Variants in DYNC2I1 observed in about 807,000 individuals in gnomAD.
DYNC2I1 encodes dynein 2 intermediate chain 1, also known as cytoplasmic dynein 2 intermediate chain 1.
A neutral mutation model predicts 133.4 loss-of-function variants in DYNC2I1; 89 were observed. The ratio of observed to expected loss-of-function variants is 0.67; its 90% CI spans 0.56 to 0.80. The LOEUF (loss-of-function observed/expected upper bound fraction) is 0.80, where lower values mean the gene tolerates loss of function less well. Ranked by LOEUF, DYNC2I1 falls within the 30% of genes least tolerant of loss-of-function variation. DYNC2I1 has a pLI of 0.00. For synonymous variants in DYNC2I1, 504 were observed against 484.3 expected (o/e 1.04, Z -0.54); for missense variants, 1,291 against 1,314.5 (o/e 0.98, Z 0.28).
intron 24 of DYNC2I1, among the ~76,000 whole-genome samples, chr7:158,944,169 C>G (rs1376473887): frequency 6.6e-6 from 1 of 152,186 alleles, no homozygotes; most frequent in Non-Finnish European, 1.5e-5. Context: ...GGTTGAGAAG[C>G]AGGTTGGCTG....
rs112412835 is a variant in DYNC2I1, at chr7:158,893,718, C to T, written c.1059+2385C>T. The stretch of plus-strand genomic sequence containing the variant: ...TCCTACTGCATATCGTACCACATAT[C>T]GTACTGCATGTCACACCGCATATCA... On this transcript the variant is annotated intron_variant, in intron 8 of 24. Coordinates refer to ENST00000407559, the MANE Select transcript of DYNC2I1 (RefSeq NM_018051.5). 6.4e-3 allele frequency among the ~76,000 whole-genome samples: 951 copies of T among 148,410 alleles called. 58 individuals carry two copies. The highest frequency in any genetic ancestry group is 0.023 in the African/African-American group (891 of 39,584).
chr7:158,938,555 G>A (rs1332921840), intron 23 of DYNC2I1, among the ~76,000 whole-genome samples: 3 of 152,104 alleles, frequency 2.0e-5, no homozygotes, highest in African/African-American at 7.2e-5. Context: ...TCAGGAGTTC[G>A]AGACCAGCCT....
intron 8 of DYNC2I1, among the ~76,000 whole-genome samples, chr7:158,899,315 T>A (rs1187423273): frequency 6.6e-6 from 1 of 152,230 alleles, no homozygotes; most frequent in Non-Finnish European, 1.5e-5. Context: ...GAGGGCTAAC[T>A]ATGCATATGT....
intron 1 of DYNC2I1, among the ~76,000 whole-genome samples, chr7:158,868,285 C>T (rs573197211): frequency 2.6e-4 from 40 of 152,264 alleles, no homozygotes; most frequent in African/African-American, 8.9e-4. Flanking sequence ...GTCCGGATGC[C>T]GCCTTTCCCG....
At chr7:158,916,972 GTC>G (rs1848416047) in intron 14 of DYNC2I1, among the ~76,000 whole-genome samples, 1 of 40,186 alleles carries the variant, frequency 2.5e-5, no homozygotes. Context: ...ATTGTGAAAC[GTC>G]TACACGCTGG....
downstream of DYNC2I1, among the ~76,000 whole-genome samples, chr7:158,958,017 C>T (rs937716303): frequency 6.6e-6 from 1 of 151,930 alleles, no homozygotes; most frequent in Non-Finnish European, 1.5e-5. Context: ...ACTATCTGCC[C>T]GTCAGCCACA....
At chr7:158,915,723 C>A (rs867753493) in intron 14 of DYNC2I1, among the ~76,000 whole-genome samples, 5 of 124,306 alleles carry the variant, frequency 4.0e-5, no homozygotes, top group Non-Finnish European at 8.8e-5. Flanking sequence ...TGTGAAACGT[C>A]GACACGCTGG....
chr7:158,892,187 G>T (rs1198404917), intron 8 of DYNC2I1, among the ~76,000 whole-genome samples: 1 of 152,154 alleles, frequency 6.6e-6, no homozygotes, highest in Non-Finnish European at 1.5e-5. Flanking sequence ...CAAAATCCTG[G>T]CCAGACATAG....
chr7:158,951,473 G>A (rs1432102660), intron 4 of DYNC2I1, among the ~76,000 whole-genome samples: 1 of 152,240 alleles, frequency 6.6e-6, no homozygotes, highest in Non-Finnish European at 1.5e-5. Flanking sequence ...TGGAGGTGCA[G>A]GTGCTGGGAG....
chr7:158,937,114 T>C (rs1850836405), intron 23 of DYNC2I1, among the ~76,000 whole-genome samples: 1 of 152,166 alleles, frequency 6.6e-6, no homozygotes, highest in Admixed American at 6.5e-5. Flanking sequence ...AGAAGAGCAA[T>C]TTTAAGGAAA....
Position 158,856,694 on chromosome 7 carries a change from C to G in DYNC2I1, c.-42C>G. Reference sequence around the variant, plus strand: ...CTCTTCGGGGTGGACCGCGCCTGGCCGGGGCCGAGGACACCGCGGCCGCCC... The same window carrying G: ...CTCTTCGGGGTGGACCGCGCCTGGCGGGGGCCGAGGACACCGCGGCCGCCC... On this transcript the variant is annotated 5_prime_UTR_variant, in exon 1 of 25. Coordinates refer to ENST00000407559, the MANE Select transcript of DYNC2I1 (RefSeq NM_018051.5). 8.1e-7 allele frequency: 1 copy of G among 1,232,350 alleles called. No individual in the cohort carries two copies. The highest frequency in any genetic ancestry group is 4.1e-5 in the South Asian group (1 of 24,314). The allele number at this position is 1,232,350 out of a possible 1,614,324, so 76.3% of individuals were successfully genotyped here.
At chr7:158,860,309 T>G (rs576702492) in intron 1 of DYNC2I1, among the ~76,000 whole-genome samples, 1 of 152,320 alleles carries the variant, frequency 6.6e-6, no homozygotes, top group South Asian at 2.1e-4. Flanking sequence ...TTCACCAGCC[T>G]CAGTCTCCCA....
chr7:158,896,738 G>T (rs113987812), intron 8 of DYNC2I1, among the ~76,000 whole-genome samples: 1,583 of 152,224 alleles, frequency 0.01, 32 homozygotes, highest in African/African-American at 0.035. Context: ...CTCCCAGAGT[G>T]CTGGGATTAC....
Position 158,906,058 on chromosome 7 carries a change from G to T in DYNC2I1, c.1427G>T (p.Arg476Leu). 6.2e-7 allele frequency: 1 copy of T among 1,613,546 alleles called. No homozygotes were observed. The highest frequency in any genetic ancestry group is 8.5e-7 in the Non-Finnish European group (1 of 1,179,678). ...GTGGATTTTGCCTCAGCTTCACACC[G>T]TCAAAAGAGTCGGACTCAGGCCCTT... ...IFVDFASASH[R>L]QKSRTQALKQ... Residue 476 changes from arginine to leucine, a missense_variant, in exon 11 of 25, where the codon CGT (arginine) becomes CTT (leucine). Physicochemically the swap from Arg to Leu is moderately radical, Grantham distance 102. Coordinates refer to ENST00000407559, the MANE Select transcript of DYNC2I1 (RefSeq NM_018051.5).
Position 158,922,385 on chromosome 7 carries a change from G to A in DYNC2I1, c.1930G>A (p.Val644Ile). 2 of 1,613,358 alleles carry A rather than the reference G, an allele frequency of 1.2e-6. No individual in the cohort carries two copies. The highest frequency in any genetic ancestry group is 1.7e-6 in the Non-Finnish European group (2 of 1,179,698). Residue 644 changes from valine (V) to isoleucine (I), a missense_variant, in exon 16 of 25, where the codon GTA becomes ATA. Val to Ile is a conservative substitution (Grantham distance 29, BLOSUM62 3). Transcript: ENST00000407559. ...TSLPFLQNRK[V>I]SSLHTSRVQR... ...ATTTTTCTTCTCCCTAGATCGAAAA[G>A]TATCCTCCTTGCACACCTCCCGAGT...
At chr7:158,863,591 G>T (rs1166726501) in intron 1 of DYNC2I1, among the ~76,000 whole-genome samples, 1 of 139,164 alleles carries the variant, frequency 7.2e-6, no homozygotes, top group Admixed American at 7.2e-5. Flanking sequence ...TGTGAGGGGG[G>T]CGGTGAGCCG....
intron 4 of DYNC2I1, among the ~76,000 whole-genome samples, chr7:158,956,095 T>A (rs1052993196): frequency 3.2e-4 from 49 of 152,194 alleles, no homozygotes; most frequent in Non-Finnish European, 6.0e-4. Context: ...TTTAAATCTG[T>A]TTTTCTCTCA....
intron 24 of DYNC2I1, among the ~76,000 whole-genome samples, chr7:158,943,703 G>A (rs1227771245): frequency 9.5e-6 from 1 of 105,220 alleles, no homozygotes; most frequent in Non-Finnish European, 2.1e-5. Context: ...GAGCATGTTT[G>A]TTGTCATTAG....
intron 4 of DYNC2I1, among the ~76,000 whole-genome samples, chr7:158,877,566 G>T (rs1433149237): frequency 6.6e-6 from 1 of 152,194 alleles, no homozygotes; most frequent in Non-Finnish European, 1.5e-5. Context: ...TCCTAAGCAG[G>T]AGCTGGGCAT....
Sources: allele counts gnomAD v4.1 joint callset (sites outside exome capture counted in the v4.1 genomes callset), GRCh38; gene constraint gnomAD v4.1.1; transcripts MANE v1.5; gene names NCBI Gene and HGNC (gene_info 2026-07-23, HGNC 2026-07-21).